NAV3: variants seen among roughly 807,000 people sequenced by gnomAD.
The protein encoded by NAV3 is pore membrane and/or filament interacting like protein 1.
In NAV3, 87 loss-of-function variants were observed where a neutral mutation model predicts 244.7. The observed-to-expected ratio is 0.36, with a 90% confidence interval of 0.30 to 0.42. The LOEUF (loss-of-function observed/expected upper bound fraction) is 0.42, where lower values mean the gene tolerates loss of function less well. Ranked by LOEUF, NAV3 falls within the 20% of genes least tolerant of loss-of-function variation. The pLI is 1.00. For missense variants in NAV3, 2,663 were observed against 2,893.3 expected, an observed-to-expected ratio of 0.92 and a Z score of 1.83; for synonymous variants, 1,126 against 1,042.2, an observed-to-expected ratio of 1.08 and a Z score of -1.55.
At chr12:77,974,130 G>A (rs936297341) in intron 5 of NAV3, among the ~76,000 whole-genome samples, 2 of 151,874 alleles carry the variant, frequency 1.3e-5, no homozygotes, top group African/African-American at 4.8e-5. Context: ...GTAAAGGTGG[G>A]ACTCAGATTT....
Position 78,177,699 on chromosome 12 carries a change from C to T in NAV3, c.5363+14C>T, listed in dbSNP as rs368802788. On this transcript the variant is annotated intron_variant, in intron 28 of 39. Coordinates refer to ENST00000397909, the MANE Select transcript of NAV3 (RefSeq NM_001024383.2). ...GCATAGATCTCGGTAAAGTGGAGTGCGATGCATGAATACTGCAAAGATCCA... is the reference window on the plus strand; with the variant it reads ...GCATAGATCTCGGTAAAGTGGAGTGTGATGCATGAATACTGCAAAGATCCA... 94 of 1,595,786 alleles carry T rather than the reference C, an allele frequency of 5.9e-5. 1 individual carries two copies. Among genetic ancestry groups the T allele is most frequent in the Middle Eastern group, 3.3e-4 (2 of 6,072 alleles).
In NAV3 at chr12:77,831,195, C is replaced by CAGAGAGAG. The variant is rs71088342; in HGVS notation, c.-251_-244dup. On this transcript the variant is annotated 5_prime_UTR_variant, in exon 1 of 40. Transcript: ENST00000397909. ...AGAGAGAGAGAGAGAGAGAGAGAGA[C>CAGAGAGAG]AGAGAGAGAGAGAGAGAGAGAGAAA... 0.032 allele frequency: 4,703 copies of CAGAGAGAG among 144,794 alleles called. 111 individuals are homozygous for CAGAGAGAG. Among genetic ancestry groups the CAGAGAGAG allele is most frequent in the African/African-American group, 0.086 (2,789 of 32,570 alleles). 9.0% of individuals were successfully genotyped at this position (144,794 alleles called of 1,614,324 possible). A position where few individuals can be genotyped will look rare whatever the true frequency, so the allele number is the denominator to read the frequency against.
intron 1 of NAV3, among the ~76,000 whole-genome samples, chr12:77,846,337 T>G (rs568551022): frequency 3.3e-5 from 5 of 152,332 alleles, no homozygotes; most frequent in African/African-American, 1.2e-4. Flanking sequence ...ATGCAATGTA[T>G]TTAGAAATAG....
intron 12 of NAV3, among the ~76,000 whole-genome samples, chr12:78,101,583 T>C (rs1302818649): frequency 6.6e-6 from 1 of 152,192 alleles, no homozygotes; most frequent in African/African-American, 2.4e-5. Context: ...TTTTAATGAC[T>C]TGTGCTTTTC....
intron 5 of NAV3, among the ~76,000 whole-genome samples, chr12:77,969,217 G>T (rs184019223): frequency 1.0e-3 from 157 of 151,788 alleles, no homozygotes; most frequent in African/African-American, 3.7e-3. Context: ...TGTATTATTT[G>T]TCTGGCTTGA....
chr12:77,901,138 C>A (rs1885242030), intron 1 of NAV3, among the ~76,000 whole-genome samples: 1 of 152,114 alleles, frequency 6.6e-6, no homozygotes, highest in South Asian at 2.1e-4. Context: ...TTGTTGGATG[C>A]ACAGTTTGAG....
intron 12 of NAV3, chr12:78,088,841 T>C (rs1953773891): frequency 6.6e-6 from 1 of 152,004 alleles, no homozygotes; most frequent in Non-Finnish European, 1.5e-5. Context: ...AAAATAGACA[T>C]GTCATACTAG....
At chr12:78,164,378 T>C (rs913725454) in intron 23 of NAV3, among the ~76,000 whole-genome samples, 55 of 152,148 alleles carry the variant, frequency 3.6e-4, no homozygotes, top group African/African-American at 1.2e-3. Context: ...AAACATTTTT[T>C]TGGGTGACTA....
intron 9 of NAV3, among the ~76,000 whole-genome samples, chr12:78,034,766 T>A (rs1461326449): frequency 6.6e-6 from 1 of 152,130 alleles, no homozygotes; most frequent in Non-Finnish European, 1.5e-5. Flanking sequence ...TAACTCAAAA[T>A]GAAAGAAAAA....
intron 2 of NAV3, among the ~76,000 whole-genome samples, chr12:77,573,895 G>T (rs1868951946): frequency 6.6e-6 from 1 of 152,246 alleles, no homozygotes. Flanking sequence ...AATTAAAGTT[G>T]AAGAATGGAA....
At chr12:77,647,122 CA>C (rs1405999822) in intron 2 of NAV3, among the ~76,000 whole-genome samples, 1 of 151,442 alleles carries the variant, frequency 6.6e-6, no homozygotes, top group African/African-American at 2.4e-5. Flanking sequence ...TCGATGTGTA[CA>C]AAAGGTAACG....
intron 3 of NAV3, among the ~76,000 whole-genome samples, chr12:77,955,302 C>T (rs57908566): frequency 0.025 from 3,769 of 152,192 alleles, 143 homozygotes; most frequent in African/African-American, 0.084. Flanking sequence ...CTCCTTCCCG[C>T]GTTCACCTCG....
At chr12:77,888,486 C>T (rs1883556614) in intron 1 of NAV3, among the ~76,000 whole-genome samples, 1 of 151,984 alleles carries the variant, frequency 6.6e-6, no homozygotes, top group South Asian at 2.1e-4. Context: ...TAAAAATTAA[C>T]CAATTAAATA....
chr12:77,784,898 G>A (rs1367781268), intron 2 of NAV3, among the ~76,000 whole-genome samples: 2 of 152,196 alleles, frequency 1.3e-5, no homozygotes, highest in Non-Finnish European at 2.9e-5. Flanking sequence ...CAGCCCTTTG[G>A]TTACTGAAGC....
intron 2 of NAV3, among the ~76,000 whole-genome samples, chr12:77,787,315 G>T (rs1246938920): frequency 6.6e-6 from 1 of 152,118 alleles, no homozygotes; most frequent in Non-Finnish European, 1.5e-5. Context: ...TTTAAAAGCA[G>T]CCTTCTTTAT....
At chr12:78,043,421 A>G (rs946411503) in intron 9 of NAV3, among the ~76,000 whole-genome samples, 2 of 152,108 alleles carry the variant, frequency 1.3e-5, no homozygotes, top group African/African-American at 4.8e-5. Context: ...TAATAGAATG[A>G]TTTATAATCC....
intron 24 of NAV3, among the ~76,000 whole-genome samples, chr12:78,172,529 T>A (rs535867467): frequency 1.3e-5 from 2 of 151,560 alleles, no homozygotes; most frequent in East Asian, 3.9e-4. Flanking sequence ...AGTTATAAGT[T>A]CCAAGATGGA....
intron 8 of NAV3, chr12:78,010,694 A>G (rs941394460): frequency 6.6e-6 from 1 of 152,130 alleles, no homozygotes; most frequent in Non-Finnish European, 1.5e-5. Context: ...GAACTCATTT[A>G]TAATTGAAAA....
intron 3 of NAV3, among the ~76,000 whole-genome samples, chr12:77,950,129 G>A (rs1327363235): frequency 6.6e-6 from 1 of 152,016 alleles, no homozygotes; most frequent in Non-Finnish European, 1.5e-5. Context: ...CATTTCCATG[G>A]GTAGATTCTT....
Sources: allele counts gnomAD v4.1 joint callset (sites outside exome capture counted in the v4.1 genomes callset), GRCh38; gene constraint gnomAD v4.1.1; transcripts MANE v1.5; gene names NCBI Gene and HGNC (gene_info 2026-07-23, HGNC 2026-07-21).